Variants in ADAMTS16 observed in about 807,000 individuals in gnomAD.
ADAMTS16 encodes the protein A disintegrin and metalloproteinase with thrombospondin motifs 16.
In ADAMTS16, 94 loss-of-function variants were observed where a neutral mutation model predicts 145.8. The ratio of observed to expected loss-of-function variants is 0.64; its 90% CI spans 0.55 to 0.77. The LOEUF (loss-of-function observed/expected upper bound fraction) is 0.77. Ranked by LOEUF, ADAMTS16 falls within the 30% of genes least tolerant of loss-of-function variation. The pLI, the probability that ADAMTS16 is intolerant of heterozygous loss-of-function variation, is 0.00. For synonymous variants in ADAMTS16, 659 were observed against 604.3 expected (o/e 1.09, Z -1.33); for missense variants, 1,585 against 1,591.5 (o/e 1.00, Z 0.07).
At position 5,306,505 on chromosome 5, in the gene ADAMTS16, G is replaced by A. The variant is rs1368119989; in HGVS notation, c.3188G>A (p.Cys1063Tyr). ...CTTCTTTTGTTCTCTTCTTTTTAGTGCTCTGTGACATGTGAAAGAGGAACA... is the reference window on the plus strand; with the variant it reads ...CTTCTTTTGTTCTCTTCTTTTTAGTACTCTGTGACATGTGAAAGAGGAACA... Reference protein sequence around the residue: ...LQWLVSAWSQCSVTCERGTQK... With the variant: ...LQWLVSAWSQYSVTCERGTQK... Residue 1063 changes from cysteine to tyrosine, a missense_variant and splice_region_variant, in exon 21 of 23, where the codon TGC becomes TAC. Around this residue, in one of 3 missense-constraint regions of ADAMTS16, gnomAD observed 834 missense variants for 811.7 expected, o/e 1.03. Coordinates refer to ENST00000274181, the MANE Select transcript of ADAMTS16 (RefSeq NM_139056.4). 7 of 1,611,002 alleles carry A rather than the reference G, an allele frequency of 4.3e-6. No individual in the cohort carries two copies. The highest frequency in any genetic ancestry group is 5.1e-6 in the Non-Finnish European group (6 of 1,177,690).
chr5:5,244,011 A>G (rs949510694), intron 17 of ADAMTS16, among the ~76,000 whole-genome samples: 4 of 152,198 alleles, frequency 2.6e-5, no homozygotes, highest in Non-Finnish European at 5.9e-5. Context: ...TTTTAATTTC[A>G]GTGGAAAACG....
intron 12 of ADAMTS16, among the ~76,000 whole-genome samples, chr5:5,234,513 C>T (rs909552428): frequency 1.3e-5 from 2 of 152,180 alleles, no homozygotes; most frequent in Non-Finnish European, 2.9e-5. Context: ...AAAGGATTCA[C>T]TCAATAGAAA....
At chr5:5,154,596 G>C (rs749685188) in intron 3 of ADAMTS16, among the ~76,000 whole-genome samples, 3 of 152,124 alleles carry the variant, frequency 2.0e-5, no homozygotes, top group Non-Finnish European at 4.4e-5. Flanking sequence ...CATTTTTGAA[G>C]TGATGAAACT....
At chr5:5,200,307 G>A in intron 9 of ADAMTS16, 38 bp downstream of exon 9, 1 of 1,610,534 alleles carries the variant, frequency 6.2e-7, no homozygotes, top group African/African-American at 1.3e-5. Context: ...ATCTTTCGGG[G>A]CCTTTGATGC....
At chr5:5,239,021 T>C in intron 14 of ADAMTS16, 130 bp from the exon 15 acceptor site, 1 of 1,012,932 alleles carries the variant, frequency 9.9e-7, no homozygotes, top group South Asian at 3.2e-5. Flanking sequence ...CAATAAATAT[T>C]TGTTAACTAC....
chr5:5,305,364 CATCCCACACCACACACACACA>C, intron 20 of ADAMTS16, among the ~76,000 whole-genome samples: 1 of 81,378 alleles, frequency 1.2e-5, no homozygotes, highest in Non-Finnish European at 2.5e-5. Flanking sequence ...ACCACACACA[CATCCCACACCACACACACACA>C]ATCCCACACC....
intron 8 of ADAMTS16, among the ~76,000 whole-genome samples, chr5:5,198,931 C>T (rs1323271808): frequency 1.3e-5 from 2 of 152,182 alleles, no homozygotes; most frequent in African/African-American, 4.8e-5. Flanking sequence ...CTCTCTCTTG[C>T]CTTCCCCCTT....
intron 7 of ADAMTS16, among the ~76,000 whole-genome samples, chr5:5,191,473 C>G (rs1451056618): frequency 1.3e-5 from 2 of 152,078 alleles, no homozygotes; most frequent in Non-Finnish European, 2.9e-5. Context: ...GAATTGTGTT[C>G]CACAATACAG....
At chr5:5,151,214 T>TTTTA (rs1560924488) in intron 3 of ADAMTS16, among the ~76,000 whole-genome samples, 2,768 of 137,972 alleles carry the variant, frequency 0.02, 48 homozygotes, top group African/African-American at 0.039. Flanking sequence ...ATTTCTTTTC[T>TTTTA]CTTATTTATT....
At chr5:5,245,261 A>G (rs1737405029) in intron 17 of ADAMTS16, among the ~76,000 whole-genome samples, 1 of 152,202 alleles carries the variant, frequency 6.6e-6, no homozygotes, top group Admixed American at 6.5e-5. Flanking sequence ...GTGGTATCTG[A>G]CAATAGCATG....
chr5:5,245,576 A>G (rs1324759151), intron 17 of ADAMTS16, among the ~76,000 whole-genome samples: 1 of 152,138 alleles, frequency 6.6e-6, no homozygotes, highest in African/African-American at 2.4e-5. Flanking sequence ...TCTTTTTCTT[A>G]GCTCTCTCTT....
Position 5,319,264 on chromosome 5 carries a change from AG to A in ADAMTS16, c.*128del. On this transcript the variant is annotated 3_prime_UTR_variant, in exon 23 of 23. Coordinates refer to ENST00000274181, the MANE Select transcript of ADAMTS16 (RefSeq NM_139056.4). ...AAAGCCAAAAGAAGAAAACCGTGTT[AG>A]GCTCTTTGACCAGGAGTGTATGTAT... The A allele has an allele frequency of 1.4e-6, 1 of 728,250 alleles. No homozygotes were observed. Among genetic ancestry groups the A allele is most frequent in the Non-Finnish European group, 2.3e-6 (1 of 428,086 alleles). The allele number at this position is 728,250 out of a possible 1,614,324, so 45.1% of individuals were successfully genotyped here. A position where few individuals can be genotyped will look rare whatever the true frequency, so the allele number is the denominator to read the frequency against.
intron 10 of ADAMTS16, among the ~76,000 whole-genome samples, chr5:5,212,006 A>G (rs920628113): frequency 6.6e-6 from 1 of 152,124 alleles, no homozygotes; most frequent in African/African-American, 2.4e-5. Flanking sequence ...ATGAATATAA[A>G]TTCTGCAGTG....
At chr5:5,191,814 T>A (rs1305440508) in intron 8 of ADAMTS16, 24 bp downstream of exon 8, 12 of 1,563,584 alleles carry the variant, frequency 7.7e-6, no homozygotes, top group Non-Finnish European at 1.0e-5. Context: ...CATGGGAGGA[T>A]GGCATCCCGA....
chr5:5,265,747 C>A (rs968247908), intron 18 of ADAMTS16, among the ~76,000 whole-genome samples: 1 of 152,176 alleles, frequency 6.6e-6, no homozygotes, highest in Non-Finnish European at 1.5e-5. Flanking sequence ...ACCTCACACC[C>A]CCTGCTCCCC....
chr5:5,180,843 AG>A (rs1312977902), intron 3 of ADAMTS16, among the ~76,000 whole-genome samples: 31 of 152,288 alleles, frequency 2.0e-4, no homozygotes, highest in Middle Eastern at 3.4e-3. Flanking sequence ...ACCCATAAAA[AG>A]GGGGCACTGA....
intron 8 of ADAMTS16, among the ~76,000 whole-genome samples, chr5:5,196,097 G>T (rs180786274): frequency 3.3e-5 from 5 of 151,904 alleles, no homozygotes; most frequent in African/African-American, 7.3e-5. Context: ...GTGGTGGCAG[G>T]TTCCTGTAAT....
chr5:5,187,747 G>T lies in ADAMTS16; in HGVS notation c.986G>T (p.Gly329Val), dbSNP rs371621693. ...LNMVSALFKD[G>V]TIGGNINIAI... Reference sequence around the variant, plus strand: ...CAGGTATCTGCTTTATTCAAAGATGGAACAATAGGAGGAAACATCAACATT... The same window carrying T: ...CAGGTATCTGCTTTATTCAAAGATGTAACAATAGGAGGAAACATCAACATT... The change falls in exon 6 of 23, where the codon GGA (glycine) becomes GTA (valine). Residue 329 changes from glycine (G) to valine (V), a missense_variant. Transcript: ENST00000274181. The T allele has an allele frequency of 6.2e-7, 1 of 1,612,368 alleles. No homozygotes were observed. Among genetic ancestry groups the T allele is most frequent in the East Asian group, 2.2e-5 (1 of 44,846 alleles).
Position 5,319,424 on chromosome 5 carries a change from C to G in ADAMTS16, c.*286C>G, listed in dbSNP as rs1579428691. The G allele has an allele frequency of 3.6e-5, 16 of 447,374 alleles. No individual in the cohort carries two copies. In the South Asian group the frequency reaches 3.7e-4, roughly 10 times the overall value. The allele number at this position is 447,374 out of a possible 1,614,324, so 27.7% of individuals were successfully genotyped here. On this transcript the variant is annotated 3_prime_UTR_variant, in exon 23 of 23. Transcript: ENST00000274181. Reference sequence around the variant, plus strand: ...AAGGCAGGCACCACAACGGGAGAGGCAGCACTCACCCCTGCCTGTTGCAGC... The same window carrying G: ...AAGGCAGGCACCACAACGGGAGAGGGAGCACTCACCCCTGCCTGTTGCAGC...
Sources: gnomAD v4.1 joint callset for allele counts (sites outside exome capture counted in the v4.1 genomes callset) on GRCh38, gnomAD v4.1.1 for gene constraint, gnomAD v4.1.1 regional missense constraint, MANE v1.5 for transcripts, NCBI Gene and HGNC (gene_info 2026-07-23, HGNC 2026-07-21) for gene names.